Variants in GAL3ST3 observed in about 807,000 individuals in gnomAD.
The protein encoded by GAL3ST3 is beta-galactose-3-O-sulfotransferase 3.
GAL3ST3 carries 21 observed loss-of-function variants against 20.8 expected under a neutral mutation model. The ratio of observed to expected loss-of-function variants is 1.01; its 90% CI spans 0.72 to 1.45. The LOEUF (loss-of-function observed/expected upper bound fraction) is 1.45, where lower values mean the gene tolerates loss of function less well. Among genes scored for constraint, GAL3ST3 ranks in the 40% most tolerant of loss-of-function variants. GAL3ST3 has a pLI of 0.00. For synonymous variants in GAL3ST3, 355 were observed against 307.2 expected (o/e 1.16, Z -1.63); for missense variants, 739 against 662.7 (o/e 1.12, Z -1.26).
rs762977263 is a variant in GAL3ST3, at chr11:66,043,226, C to T, written c.577G>A (p.Ala193Thr). The T allele has an allele frequency of 3.7e-6, 6 of 1,612,256 alleles. No homozygotes were observed. In the Admixed American group the frequency reaches 5.0e-5, roughly 13 times the overall value. The change falls in exon 3 of 3, where the codon GCT becomes ACT. Residue 193 changes from alanine to threonine, a missense_variant. Coordinates refer to ENST00000312006, the MANE Select transcript of GAL3ST3 (RefSeq NM_033036.3). ...FLRAPEAYYR[A>T]GEHFAMFAHN... ...GCGAACATGGCGAAGTGCTCGCCAG[C>T]GCGGTAGTATGCCTCGGGCGCGCGC...
intron 2 of GAL3ST3, among the ~76,000 whole-genome samples, chr11:66,044,422 A>G (rs1490323840): frequency 2.0e-5 from 3 of 152,224 alleles, no homozygotes; most frequent in Non-Finnish European, 4.4e-5. Context: ...GTAGAAACTG[A>G]GGGCCAAAAG....
intron 1 of GAL3ST3, among the ~76,000 whole-genome samples, chr11:66,048,691 ACC>A (rs1395262993): frequency 2.3e-5 from 2 of 85,802 alleles, no homozygotes; most frequent in East Asian, 7.6e-4. Context: ...TCTCTCATCC[ACC>A]CCCGCATCAT....
chr11:66,040,817 G>A lies in GAL3ST3; in HGVS notation c.*1690C>T, dbSNP rs1357361610. On this transcript the variant is annotated 3_prime_UTR_variant, in exon 3 of 3. Coordinates refer to ENST00000312006, the MANE Select transcript of GAL3ST3 (RefSeq NM_033036.3). ...ATGTCAGAAACTTAATTATGCTTTT[G>A]CATGATTCTAATTATTGCCTTTTTC... is the stretch of plus-strand genomic sequence containing the variant. 2.0e-5 allele frequency among the ~76,000 whole-genome samples: 3 copies of A among 152,160 alleles called. No homozygotes were observed.
At chr11:66,045,255 G>A (rs1281575632) in intron 2 of GAL3ST3, 36 bp downstream of exon 2, 2 of 1,476,886 alleles carry the variant, frequency 1.4e-6, no homozygotes, top group East Asian at 5.3e-5. Flanking sequence ...GAATGGGGAG[G>A]GGAGCTCCGG....
At position 66,040,948 on chromosome 11, in the gene GAL3ST3, A is replaced by G. The variant is rs1856695903; in HGVS notation, c.*1559T>C. The stretch of plus-strand genomic sequence containing the variant: ...TCACTGTAATGTCCATTGTCCAAAC[A>G]GGTCAACCGTTGTCTCCATGAAAAA... On this transcript the variant is annotated 3_prime_UTR_variant, in exon 3 of 3. Coordinates refer to ENST00000312006, the MANE Select transcript of GAL3ST3 (RefSeq NM_033036.3). Among the ~76,000 whole-genome samples, 2 of 152,236 alleles carry G rather than the reference A, an allele frequency of 1.3e-5. No homozygotes were observed. The highest frequency in any genetic ancestry group is 2.9e-5 in the Non-Finnish European group (2 of 68,044).
intron 2 of GAL3ST3, 129 bp downstream of exon 2, chr11:66,045,162 G>T: frequency 1.4e-6 from 1 of 716,276 alleles, no homozygotes. Flanking sequence ...CCTGTCCAGG[G>T]AGGCTGTGTG....
Position 66,043,220 on chromosome 11 carries a change from C to T in GAL3ST3, c.583G>A (p.Glu195Lys), listed in dbSNP as rs1415527108. 6.2e-7 allele frequency: 1 copy of T among 1,612,276 alleles called. No individual in the cohort carries two copies. Among genetic ancestry groups the T allele is most frequent in the African/African-American group, 1.3e-5 (1 of 74,910 alleles). The change falls in exon 3 of 3, where the codon GAG becomes AAG. Residue 195 changes from glutamate to lysine, a missense_variant. Transcript: ENST00000312006. ...TTGTGTGCGAACATGGCGAAGTGCT[C>T]GCCAGCGCGGTAGTATGCCTCGGGC... ...RAPEAYYRAGEHFAMFAHNTL... is the reference protein window; with the variant it reads ...RAPEAYYRAGKHFAMFAHNTL...
At chr11:66,045,057 C>T (rs1856765653) in intron 2 of GAL3ST3, 1 of 371,274 alleles carries the variant, frequency 2.7e-6, no homozygotes, top group Middle Eastern at 7.1e-4. Flanking sequence ...AAATGCTTAG[C>T]TGCATGCTGT....
rs73498471 is a variant in GAL3ST3 at position 66,045,578 on chromosome 11, G to C, written c.-112-51C>G. ...GCAGTGGGCAGAGGAGATGGGATCT[G>C]GCCCCCAGCAGGTCTGATGCAAAGA... On this transcript the variant is annotated intron_variant, in intron 1 of 2. Transcript: ENST00000312006. 7.0e-4 allele frequency: 470 copies of C among 670,934 alleles called. 1 individual carries two copies. The African/African-American group carries it at 7.9e-3, about 11-fold the overall frequency. 41.6% of individuals were successfully genotyped at this position (670,934 alleles called of 1,614,324 possible).
At position 66,042,940 on chromosome 11, in the gene GAL3ST3, C is replaced by A; in HGVS notation, c.863G>T (p.Arg288Leu). The A allele has an allele frequency of 8.1e-7, 1 of 1,235,902 alleles. No individual in the cohort carries two copies. The highest frequency in any genetic ancestry group is 1.0e-6 in the Non-Finnish European group (1 of 982,816). The allele number at this position is 1,235,902 out of a possible 1,614,324, so 76.6% of individuals were successfully genotyped here. ...AIPAALARAA[R>L]TWNALDAGLY... is the part of the protein sequence containing the mutation. ...GCCGGCGTCCAGGGCGTTCCAGGTG[C>A]GCGCCGCCCGCGCCAGCGCCGCGGG... is the stretch of plus-strand genomic sequence containing the variant. Residue 288 changes from arginine to leucine, a missense_variant, in exon 3 of 3, where the codon CGC (arginine) becomes CTC (leucine). Transcript: ENST00000312006.
chr11:66,045,181 G>A (rs1463072403), intron 2 of GAL3ST3, 110 bp downstream of exon 2: 4 of 1,004,094 alleles, frequency 4.0e-6, no homozygotes, highest in Non-Finnish European at 4.1e-6. Context: ...TGGCCCTAAA[G>A]GGAAAGCACT....
chr11:66,043,302 C>G lies in GAL3ST3; in HGVS notation c.501G>C (p.Gln167His), dbSNP rs201181801. 8.1e-6 allele frequency: 13 copies of G among 1,612,410 alleles called. No individual in the cohort carries two copies. In the Middle Eastern group the frequency reaches 6.6e-4, roughly 82 times the overall value. ...GTACGCGCCGGAAGGCCGGGCAGTA[C>G]TGGTTGTAGTAGCTGAAGAGCGACT... ...MFESLFSYYNQYCPAFRRVPN... is the reference protein window; with the variant it reads ...MFESLFSYYNHYCPAFRRVPN... The change falls in exon 3 of 3, where the codon CAG (glutamine) becomes CAC (histidine). Residue 167 changes from glutamine to histidine, a missense_variant. Physicochemically the swap from Gln to His is conservative, Grantham distance 24. Transcript: ENST00000312006.
Position 66,043,596 on chromosome 11 carries a change from C to T in GAL3ST3, c.207G>A (p.Leu69=), listed in dbSNP as rs745401115. The change falls in exon 3 of 3, where the codon CTG becomes CTA. Residue 69 remains leucine (L), a synonymous_variant. Transcript: ENST00000312006. Reference sequence around the variant, plus strand: ...TCGTGCCTGCCGTCTTGTGAGTCTTCAGGAAGGCCACAGTCATGTGCTTGG... The same window carrying T: ...TCGTGCCTGCCGTCTTGTGAGTCTTTAGGAAGGCCACAGTCATGTGCTTGG... The part of the protein sequence containing the change: ...PRPKHMTVAF[L]KTHKTAGTTV... 8 of 1,612,856 alleles carry T rather than the reference C, an allele frequency of 5.0e-6. No individual in the cohort carries two copies. In the South Asian group the frequency reaches 8.8e-5, roughly 18 times the overall value.
chr11:66,042,352 G>T lies in GAL3ST3; in HGVS notation c.*155C>A. ...CAAGGTTCAGCCCACGATCGGGAGCGGGGGCTCAGATAGGGAGGCGTACCC... is the reference window on the plus strand; with the variant it reads ...CAAGGTTCAGCCCACGATCGGGAGCTGGGGCTCAGATAGGGAGGCGTACCC... On this transcript the variant is annotated 3_prime_UTR_variant, in exon 3 of 3. Transcript: ENST00000312006. The T allele has an allele frequency of 3.3e-6, 2 of 598,122 alleles. No homozygotes were observed. The highest frequency in any genetic ancestry group is 3.2e-5 in the East Asian group (1 of 31,022). 37.1% of individuals were successfully genotyped at this position (598,122 alleles called of 1,614,324 possible). A position where few individuals can be genotyped will look rare whatever the true frequency, so the allele number is the denominator to read the frequency against.
chr11:66,043,077 C>G lies in GAL3ST3; in HGVS notation c.726G>C (p.Glu242Asp). 1 of 1,611,888 alleles carries G rather than the reference C, an allele frequency of 6.2e-7. No homozygotes were observed. Among genetic ancestry groups the G allele is most frequent in the Non-Finnish European group, 8.5e-7 (1 of 1,179,396 alleles). Residue 242 changes from glutamate to aspartate, a missense_variant, in exon 3 of 3, where the codon GAG (glutamate) becomes GAC (aspartate). Glu to Asp is a conservative substitution (Grantham distance 45). Transcript: ENST00000312006. ...GCAGCACTAGCGACTCGTCGAAGTA[C>G]TCGGCGATCATGACGAGCGAGAAAA... ...EEVFSLVMIAEYFDESLVLLR... is the reference protein window; with the variant it reads ...EEVFSLVMIADYFDESLVLLR...
intron 2 of GAL3ST3, among the ~76,000 whole-genome samples, chr11:66,044,577 C>G (rs917942297): frequency 1.3e-5 from 2 of 152,194 alleles, no homozygotes; most frequent in African/African-American, 4.8e-5. Context: ...TTATGTTTCT[C>G]TTGAGGCTTC....
Position 66,042,820 on chromosome 11 carries a change from C to G in GAL3ST3, c.983G>C (p.Arg328Pro). 7.1e-7 allele frequency: 1 copy of G among 1,407,366 alleles called. No homozygotes were observed. Among genetic ancestry groups the G allele is most frequent in the Non-Finnish European group, 9.2e-7 (1 of 1,091,524 alleles). The allele number at this position is 1,407,366 out of a possible 1,614,324, so 87.2% of individuals were successfully genotyped here. A position where few individuals can be genotyped will look rare whatever the true frequency, so the allele number is the denominator to read the frequency against. Residue 328 changes from arginine to proline, a missense_variant, in exon 3 of 3, where the codon CGC becomes CCC. Physicochemically the swap from Arg to Pro is moderately radical, Grantham distance 103 (BLOSUM62 -2). Coordinates refer to ENST00000312006, the MANE Select transcript of GAL3ST3 (RefSeq NM_033036.3). ...EREARELREA[R>P]QRLLRRCFGD... ...GAAGCAGCGCCGCAGTAGGCGCTGG[C>G]GGGCCTCGCGCAGCTCGCGCGCCTC...
chr11:66,043,104 C>T lies in GAL3ST3; in HGVS notation c.699G>A (p.Glu233=), dbSNP rs761058181. The T allele has an allele frequency of 3.7e-6, 6 of 1,611,812 alleles. No individual in the cohort carries two copies. Among genetic ancestry groups the T allele is most frequent in the Admixed American group, 1.7e-5 (1 of 59,946 alleles). Residue 233 remains glutamate, a synonymous_variant, in exon 3 of 3, where the codon GAG becomes GAA. Coordinates refer to ENST00000312006, the MANE Select transcript of GAL3ST3 (RefSeq NM_033036.3). ...YLAGLIRQVE[E]VFSLVMIAEY... ...CGGCGATCATGACGAGCGAGAAAAC[C>T]TCCTCCACCTGGCGGATGAGGCCCG...
chr11:66,043,425 C>T lies in GAL3ST3; in HGVS notation c.378G>A (p.Leu126=), dbSNP rs1426623046. 1.2e-6 allele frequency: 2 copies of T among 1,609,330 alleles called. No homozygotes were observed. The highest frequency in any genetic ancestry group is 2.7e-5 in the African/African-American group (2 of 74,834). The part of the protein sequence containing the change: ...VHPATRPPHV[L]ASHLRFDRAE... Reference sequence around the variant, plus strand: ...CACGGTCGAAGCGCAGGTGGCTGGCCAGCACGTGCGGCGGCCGCGTGGCCG... The same window carrying T: ...CACGGTCGAAGCGCAGGTGGCTGGCTAGCACGTGCGGCGGCCGCGTGGCCG... Residue 126 remains leucine, a synonymous_variant, in exon 3 of 3, where the codon CTG becomes CTA. Transcript: ENST00000312006.
Sources: gnomAD v4.1 joint callset for allele counts (sites outside exome capture counted in the v4.1 genomes callset) on GRCh38, gnomAD v4.1.1 for gene constraint, MANE v1.5 for transcripts, NCBI Gene and HGNC (gene_info 2026-07-23, HGNC 2026-07-21) for gene names.